The following ASAP1 variants were observed in gnomAD, a reference collection of about 807,000 sequenced individuals.
ASAP1 encodes the protein arf-GAP with SH3 domain, ANK repeat and PH domain-containing protein 1.
A neutral mutation model predicts 145.2 loss-of-function variants in ASAP1; 43 were observed. The observed-to-expected ratio is 0.30, with a 90% CI of 0.23 to 0.38. The LOEUF (loss-of-function observed/expected upper bound fraction) is 0.38, where lower values mean the gene tolerates loss of function less well. Ranked by LOEUF, ASAP1 falls within the 10% of genes least tolerant of loss-of-function variation. The probability of loss-of-function intolerance (pLI) is 1.00; values close to 1 mark genes in which losing one functional copy is unlikely to be tolerated. For missense variants in ASAP1, 1,018 were observed against 1,355.3 expected (o/e 0.75, Z 3.91); for synonymous variants, 546 against 515.5 (o/e 1.06, Z -0.80).
At chr8:130,169,417 A>G (rs1360310133) in intron 9 of ASAP1, among the ~76,000 whole-genome samples, 1 of 152,220 alleles carries the variant, frequency 6.6e-6, no homozygotes, top group Non-Finnish European at 1.5e-5. Flanking sequence ...CCATATTTGA[A>G]TTTGAAGGAG....
chr8:130,352,212 GTT>G (rs11420981), intron 3 of ASAP1, among the ~76,000 whole-genome samples: 14 of 139,650 alleles, frequency 1.0e-4, no homozygotes, highest in South Asian at 2.3e-4. Context: ...CTTCCTAAGG[GTT>G]TTTTTTTTTT....
chr8:130,230,193 T>C (rs1379581659), intron 4 of ASAP1, among the ~76,000 whole-genome samples: 1 of 152,136 alleles, frequency 6.6e-6, no homozygotes, highest in African/African-American at 2.4e-5. Context: ...TCCCCAAAGA[T>C]AGAAGAAGCA....
intron 3 of ASAP1, among the ~76,000 whole-genome samples, chr8:130,277,986 A>G (rs1821016616): frequency 6.6e-6 from 1 of 152,154 alleles, no homozygotes; most frequent in Admixed American, 6.5e-5. Context: ...AAAGGAAGAA[A>G]TCCAAAGTAG....
chr8:130,179,761 C>A (rs1273527655), intron 8 of ASAP1, among the ~76,000 whole-genome samples: 3 of 151,956 alleles, frequency 2.0e-5, no homozygotes, highest in Non-Finnish European at 4.4e-5. Context: ...AGAGGTGAAT[C>A]AGAAAGAATT....
chr8:130,417,558 C>T (rs1198002444), intron 1 of ASAP1, among the ~76,000 whole-genome samples: 1 of 151,330 alleles, frequency 6.6e-6, no homozygotes, highest in Non-Finnish European at 1.5e-5. Flanking sequence ...TCCGAATTTG[C>T]AGAACCCATA....
intron 4 of ASAP1, among the ~76,000 whole-genome samples, chr8:130,226,043 CT>C (rs200033813): frequency 0.35 from 48,497 of 139,836 alleles, 8,574 homozygotes; most frequent in East Asian, 0.58. Context: ...CCATGCTTGG[CT>C]TTTTTTTTTT....
chr8:130,321,664 T>C (rs777422950), intron 3 of ASAP1, among the ~76,000 whole-genome samples: 1 of 152,166 alleles, frequency 6.6e-6, no homozygotes, highest in Admixed American at 6.5e-5. Flanking sequence ...ATTTCCATGG[T>C]TGCTTAAATA....
At chr8:130,179,403 G>T in intron 8 of ASAP1, 54 bp from the exon 9 acceptor site, 2 of 1,144,904 alleles carry the variant, frequency 1.7e-6, no homozygotes, top group Non-Finnish European at 2.6e-6. Context: ...GGGCTCTTCA[G>T]CCATGGGTTC....
At chr8:130,182,792 A>T (rs1814444644) in intron 7 of ASAP1, among the ~76,000 whole-genome samples, 1 of 144,202 alleles carries the variant, frequency 6.9e-6, no homozygotes, top group Admixed American at 7.2e-5. Context: ...CAGCTAAAAT[A>T]TTGCATCTAT....
chr8:130,394,831 C>T (rs1459796515), intron 2 of ASAP1, among the ~76,000 whole-genome samples: 1 of 152,142 alleles, frequency 6.6e-6, no homozygotes, highest in Non-Finnish European at 1.5e-5. Context: ...TGTCTCAAAA[C>T]AAACAAACAA....
intron 25 of ASAP1, among the ~76,000 whole-genome samples, chr8:130,088,491 C>T (rs374090167): frequency 3.3e-5 from 5 of 151,996 alleles, no homozygotes; most frequent in African/African-American, 1.2e-4. Flanking sequence ...AGAGAGGCGG[C>T]GGCAGTGGGG....
intron 20 of ASAP1, among the ~76,000 whole-genome samples, chr8:130,117,545 TC>T (rs2097558350): frequency 2.6e-5 from 4 of 152,280 alleles, no homozygotes; most frequent in Admixed American, 1.3e-4. Flanking sequence ...GAGCTCTAGT[TC>T]CTCCTCATCA....
intron 3 of ASAP1, among the ~76,000 whole-genome samples, chr8:130,353,442 A>G (rs1430824397): frequency 6.6e-6 from 1 of 152,254 alleles, no homozygotes; most frequent in Admixed American, 6.5e-5. Context: ...CAAGGAACTT[A>G]GGCACCTTTT....
At chr8:130,116,398 G>C (rs2097556048) in intron 22 of ASAP1, among the ~76,000 whole-genome samples, 1 of 152,144 alleles carries the variant, frequency 6.6e-6, no homozygotes, top group Non-Finnish European at 1.5e-5. Context: ...AAAGTCTAAT[G>C]GTCTGGGAAA....
chr8:130,332,717 C>G (rs981397117), intron 3 of ASAP1, among the ~76,000 whole-genome samples: 2 of 152,136 alleles, frequency 1.3e-5, no homozygotes, highest in Non-Finnish European at 2.9e-5. Context: ...TTCTACTTCT[C>G]TTATCACTTT....
intron 3 of ASAP1, among the ~76,000 whole-genome samples, chr8:130,339,097 A>G (rs1009796438): frequency 2.0e-5 from 3 of 152,192 alleles, no homozygotes; most frequent in African/African-American, 7.2e-5. Flanking sequence ...AAACTTAAAT[A>G]CAGATACAGC....
At chr8:130,059,540 T>C (rs2135039711) in intron 28 of ASAP1, among the ~76,000 whole-genome samples, 1 of 152,190 alleles carries the variant, frequency 6.6e-6, no homozygotes, top group African/African-American at 2.4e-5. Context: ...ACAGCAGCCC[T>C]GAACTCCTGG....
At chr8:130,360,308 T>C (rs182163170) in intron 2 of ASAP1, among the ~76,000 whole-genome samples, 79 of 152,344 alleles carry the variant, frequency 5.2e-4, no homozygotes, top group African/African-American at 1.8e-3. Flanking sequence ...GATAATCCTG[T>C]TGTCTATGGC....
chr8:130,071,031 A>G (rs2135201285), intron 27 of ASAP1, among the ~76,000 whole-genome samples: 1 of 102,740 alleles, frequency 9.7e-6, no homozygotes, highest in South Asian at 3.0e-4. Flanking sequence ...AGAGAGAGAG[A>G]GAGAGAGAGA....
Sources: allele counts gnomAD v4.1 joint callset (sites outside exome capture counted in the v4.1 genomes callset), GRCh38; gene constraint gnomAD v4.1.1; transcripts MANE v1.5; gene names NCBI Gene and HGNC (gene_info 2026-07-23, HGNC 2026-07-21).